CDH13: variants seen among roughly 807,000 people sequenced by gnomAD.
CDH13 encodes the protein cadherin 13, also known as cadherin-13.
A neutral mutation model predicts 63.8 loss-of-function variants in CDH13; 24 were observed. The ratio of observed to expected loss-of-function variants is 0.38; its 90% CI spans 0.27 to 0.53. The LOEUF (loss-of-function observed/expected upper bound fraction) is 0.53. CDH13 is among the 20% of genes least tolerant of loss of function. The pLI, the probability that CDH13 is intolerant of heterozygous loss-of-function variation, is 0.85. For missense variants in CDH13, 1,049 were observed against 903.1 expected, an observed-to-expected ratio of 1.16 and a Z score of -2.07; for synonymous variants, 503 against 355.3, an observed-to-expected ratio of 1.42 and a Z score of -4.67.
intron 4 of CDH13, among the ~76,000 whole-genome samples, chr16:83,197,818 T>TCA (rs58704316): frequency 6.4e-4 from 96 of 149,104 alleles, no homozygotes; most frequent in South Asian, 1.5e-3. Context: ...TCTGACACAT[T>TCA]CACACACACA....
chr16:83,291,348 C>T (rs1167358455), intron 5 of CDH13, among the ~76,000 whole-genome samples: 1 of 152,010 alleles, frequency 6.6e-6, no homozygotes, highest in Non-Finnish European at 1.5e-5. Context: ...TCTCATTCAA[C>T]TTTTCAGCTT....
intron 1 of CDH13, among the ~76,000 whole-genome samples, chr16:82,735,840 G>A (rs894011447): frequency 6.6e-6 from 1 of 152,122 alleles, no homozygotes; most frequent in Non-Finnish European, 1.5e-5. Context: ...TTTTAACTTG[G>A]GTGCCAAGCC....
At chr16:82,642,489 T>C (rs549420445) in intron 1 of CDH13, among the ~76,000 whole-genome samples, 1 of 152,358 alleles carries the variant, frequency 6.6e-6, no homozygotes, top group Admixed American at 6.5e-5. Flanking sequence ...CATTGTTCTT[T>C]TTCTCTCTCT....
chr16:82,865,131 G>C (rs1420418493), intron 2 of CDH13, among the ~76,000 whole-genome samples: 1 of 152,208 alleles, frequency 6.6e-6, no homozygotes, highest in East Asian at 1.9e-4. Context: ...GCTTTGTGGG[G>C]TACAGCCCCA....
chr16:83,216,573 T>C (rs36172069), intron 4 of CDH13, among the ~76,000 whole-genome samples: 1 of 142,596 alleles, frequency 7.0e-6, no homozygotes, highest in Non-Finnish European at 1.5e-5. Context: ...ATATGTAGGG[T>C]TTAATATATA....
chr16:83,040,055 G>C (rs565204360), intron 3 of CDH13, among the ~76,000 whole-genome samples: 1 of 151,458 alleles, frequency 6.6e-6, no homozygotes, highest in Non-Finnish European at 1.5e-5. Context: ...TCTTAATGCT[G>C]AGCTCCTGAG....
intron 1 of CDH13, among the ~76,000 whole-genome samples, chr16:82,799,640 T>G (rs1567547856): frequency 6.6e-6 from 1 of 152,250 alleles, no homozygotes; most frequent in African/African-American, 2.4e-5. Context: ...TGGGAGATAG[T>G]TGGTTCAGCA....
intron 6 of CDH13, among the ~76,000 whole-genome samples, chr16:83,454,574 A>G (rs143786215): frequency 2.6e-5 from 4 of 152,250 alleles, no homozygotes; most frequent in African/African-American, 9.6e-5. Context: ...TGACTGTGTA[A>G]TGGTCCATCA....
At chr16:82,892,965 T>C (rs979547079) in intron 2 of CDH13, among the ~76,000 whole-genome samples, 1 of 152,238 alleles carries the variant, frequency 6.6e-6, no homozygotes, top group Admixed American at 6.5e-5. Context: ...TGTAAAAAAA[T>C]TGTGACCTGT....
At chr16:83,364,530 C>G (rs1167390496) in intron 6 of CDH13, among the ~76,000 whole-genome samples, 3 of 152,136 alleles carry the variant, frequency 2.0e-5, no homozygotes, top group Non-Finnish European at 4.4e-5. Flanking sequence ...ACCATGTGAA[C>G]CTGTCTATAT....
chr16:83,610,803 T>C (rs1031625572), intron 8 of CDH13, among the ~76,000 whole-genome samples: 5 of 152,344 alleles, frequency 3.3e-5, no homozygotes, highest in African/African-American at 9.6e-5. Context: ...TGGTGCATAT[T>C]TGAAGCTTAT....
At chr16:82,987,680 A>C (rs1303168238) in intron 2 of CDH13, among the ~76,000 whole-genome samples, 1 of 152,090 alleles carries the variant, frequency 6.6e-6, no homozygotes, top group East Asian at 1.9e-4. Flanking sequence ...CCAGGCCATG[A>C]ATCAGCCAGT....
chr16:83,612,055 C>G (rs929931089), intron 8 of CDH13, among the ~76,000 whole-genome samples: 8 of 151,842 alleles, frequency 5.3e-5, no homozygotes, highest in Non-Finnish European at 8.8e-5. Context: ...GTTGTTCAAA[C>G]CTTCTATATA....
intron 2 of CDH13, among the ~76,000 whole-genome samples, chr16:82,887,114 A>G (rs1742488452): frequency 6.6e-6 from 1 of 152,306 alleles, no homozygotes; most frequent in East Asian, 1.9e-4. Context: ...TCTCTTTAAT[A>G]TAGGGAGGAA....
intron 1 of CDH13, among the ~76,000 whole-genome samples, chr16:82,743,934 C>A (rs2034046643): frequency 6.6e-6 from 1 of 152,122 alleles, no homozygotes; most frequent in Admixed American, 6.5e-5. Context: ...TTGATTTGTT[C>A]ATCTGGCATG....
At chr16:83,462,890 G>A (rs1055120944) in intron 6 of CDH13, among the ~76,000 whole-genome samples, 4 of 152,086 alleles carry the variant, frequency 2.6e-5, no homozygotes, top group Admixed American at 6.6e-5. Flanking sequence ...CTAGATCCTA[G>A]GTACCTGGTG....
Position 83,058,734 on chromosome 16 carries a change from G to C in CDH13, c.366+26516G>C, listed in dbSNP as rs981933392. 1.4e-4 allele frequency among the ~76,000 whole-genome samples: 21 copies of C among 152,288 alleles called. 1 individual carries two copies. The highest frequency in any genetic ancestry group is 1.3e-3 in the Admixed American group (20 of 15,294). ...GTCTTATGTAGTGCATTACAAACTA[G>C]AAAGCTTTTGAAGTCAGCATCTGGG... On this transcript the variant is annotated intron_variant, in intron 3 of 13. Coordinates refer to ENST00000567109, the MANE Select transcript of CDH13 (RefSeq NM_001257.5).
intron 5 of CDH13, among the ~76,000 whole-genome samples, chr16:83,331,851 C>G (rs1359055609): frequency 6.6e-6 from 1 of 152,252 alleles, no homozygotes; most frequent in African/African-American, 2.4e-5. Context: ...TTTCATCAAT[C>G]TTTTATAACA....
chr16:83,554,260 C>G (rs567884629), intron 7 of CDH13, among the ~76,000 whole-genome samples: 1 of 151,728 alleles, frequency 6.6e-6, no homozygotes, highest in African/African-American at 2.4e-5. Flanking sequence ...AAAATTTGAA[C>G]TCCAGCCTGA....
Sources: gnomAD v4.1 joint callset for allele counts (sites outside exome capture counted in the v4.1 genomes callset) on GRCh38, gnomAD v4.1.1 for gene constraint, MANE v1.5 for transcripts, NCBI Gene and HGNC (gene_info 2026-07-23, HGNC 2026-07-21) for gene names.